Variants in COG8 observed in about 807,000 individuals in gnomAD.
COG8 encodes the protein component of oligomeric golgi complex 8.
COG8 carries 45 observed loss-of-function variants against 46.5 expected under a neutral mutation model. That is an observed-to-expected ratio of 0.97 (90% CI 0.76 to 1.24). The LOEUF is 1.24. Among genes scored for constraint, COG8 ranks in the 50% most tolerant of loss-of-function variants. The pLI, the probability that COG8 is intolerant of heterozygous loss-of-function variation, is 0.00. For missense variants in COG8, 793 were observed against 820.8 expected (o/e 0.97, Z 0.41); for synonymous variants, 407 against 347.8 (o/e 1.17, Z -1.90).
rs753076091 is a variant in COG8, at chr16:69,339,208, G to A, written c.345C>T (p.Leu115=). The change falls in exon 1 of 6, where the codon CTC becomes CTT. Residue 115 remains leucine, a synonymous_variant. Transcript: ENST00000306875. ...TCTGCTGGAAGCTGGGCAAACGGTC[G>A]AGCAGGCGGCCGAGCGACGCCTCCA... ...GDVEASLGRL[L]DRLPSFQQSC... 11 of 1,612,758 alleles carry A rather than the reference G, an allele frequency of 6.8e-6. No homozygotes were observed. Among genetic ancestry groups the A allele is most frequent in the South Asian group, 1.1e-5 (1 of 91,086 alleles).
At chr16:69,333,835 AAC>A (rs1315915295) in intron 3 of COG8, among the ~76,000 whole-genome samples, 2 of 152,244 alleles carry the variant, frequency 1.3e-5, no homozygotes, top group Admixed American at 1.3e-4. Context: ...TGTAAAATAA[AAC>A]ACTTTTAACA....
chr16:69,336,831 C>A, intron 1 of COG8, 119 bp from the exon 2 acceptor site: 1 of 886,974 alleles, frequency 1.1e-6, no homozygotes, highest in South Asian at 1.4e-5. Flanking sequence ...ATTCCTCACA[C>A]CCCACCTATA....
chr16:69,333,003 T>A, intron 3 of COG8, 121 bp from the exon 4 acceptor site: 1 of 833,416 alleles, frequency 1.2e-6, no homozygotes, highest in Non-Finnish European at 2.0e-6. Context: ...AATTTAACAG[T>A]ACATTATTTT....
chr16:69,337,390 G>A (rs898389366), intron 1 of COG8, among the ~76,000 whole-genome samples: 1 of 152,076 alleles, frequency 6.6e-6, no homozygotes, highest in Admixed American at 6.6e-5. Flanking sequence ...GAGCGAATGC[G>A]TCAAAGTAAA....
chr16:69,336,752 G>A, intron 1 of COG8, 40 bp from the exon 2 acceptor site: 1 of 1,568,448 alleles, frequency 6.4e-7, no homozygotes, highest in Non-Finnish European at 8.8e-7. Context: ...TCACTGCTCT[G>A]TACCCAAACC....
At chr16:69,332,498 G>A (rs773714141) in intron 4 of COG8, 53 of 628,246 alleles carry the variant, frequency 8.4e-5, no homozygotes, top group Non-Finnish European at 1.3e-4. Context: ...GTCCAGAAGA[G>A]GCAAATCTAT....
chr16:69,330,442 C>G, intron 5 of COG8: 2 of 1,474,050 alleles, frequency 1.4e-6, no homozygotes, highest in Non-Finnish European at 8.9e-7. Flanking sequence ...AGCGCCGCAG[C>G]GCCGGGCCCT....
Position 69,339,298 on chromosome 16 carries a change from A to T in COG8, c.255T>A (p.Ala85=). ...LLQQTRDLAF[A]NYKTFIRGAE... ...CGCCGCGGATGAAGGTCTTGTAGTT[A>T]GCGAAGGCCAAGTCGCGCGTCTGCT... The change falls in exon 1 of 6, where the codon GCT becomes GCA. Residue 85 remains alanine (A), a synonymous_variant. Coordinates refer to ENST00000306875, the MANE Select transcript of COG8 (RefSeq NM_032382.5). 4 of 1,611,992 alleles carry T rather than the reference A, an allele frequency of 2.5e-6. No individual in the cohort carries two copies. Among genetic ancestry groups the T allele is most frequent in the Non-Finnish European group, 2.5e-6 (3 of 1,179,596 alleles).
rs773714805 is a variant in COG8, at chr16:69,329,138, C to G, written c.*68G>C. The G allele has an allele frequency of 4.4e-6, 7 of 1,608,262 alleles. No homozygotes were observed. The East Asian group carries it at 1.3e-4, about 31-fold the overall frequency. On this transcript the variant is annotated 3_prime_UTR_variant, in exon 6 of 6. Coordinates refer to ENST00000306875, the MANE Select transcript of COG8 (RefSeq NM_032382.5). ...TGCTGGATGATGCGGGCTGCCCACC[C>G]GCTCGCCTGCCACACCACCTGTTCT...
rs1965643644 is a variant in COG8 at position 69,327,715 on chromosome 16, AACT to A, written c.*1488_*1490del. 2 of 152,184 alleles carry A rather than the reference AACT, an allele frequency of 1.3e-5. No individual in the cohort carries two copies. The highest frequency in any genetic ancestry group is 1.3e-4 in the Admixed American group (2 of 15,260). 9.4% of individuals were successfully genotyped at this position (152,184 alleles called of 1,614,324 possible). A position where few individuals can be genotyped will look rare whatever the true frequency, so the allele number is the denominator to read the frequency against. On this transcript the variant is annotated 3_prime_UTR_variant, in exon 6 of 6. Transcript: ENST00000306875. ...GCATAAAAATGAGGTGAAACAGTTT[AACT>A]AAAACTGGAGTTTGGCTGGGTAGTG...
chr16:69,329,285 AACAGCAGATGGCAAATGTAG>A, intron 5 of COG8, 106 bp from the exon 6 acceptor site: 2 of 1,221,194 alleles, frequency 1.6e-6, no homozygotes, highest in Non-Finnish European at 2.2e-6. Flanking sequence ...GACAAGAGGC[AACAGCAGATGGCAAATGTAG>A]ACAGCAGCTC....
At position 69,335,356 on chromosome 16, in the gene COG8, TAC is replaced by T. The variant is rs755440717; in HGVS notation, c.586-10_586-9del. 1.3e-6 allele frequency: 2 copies of T among 1,583,192 alleles called. No homozygotes were observed. The highest frequency in any genetic ancestry group is 2.3e-5 in the South Asian group (2 of 88,394). ...CACTTCGTTCACGATGCCCTGACAA[TAC>T]ACAGAGAGAGTCACACTGCGCTGGG... On this transcript the variant is annotated splice_polypyrimidine_tract_variant and intron_variant, in intron 2 of 5. Coordinates refer to ENST00000306875, the MANE Select transcript of COG8 (RefSeq NM_032382.5).
At chr16:69,336,377 C>T in intron 2 of COG8, 128 bp downstream of exon 2, 7 of 772,794 alleles carry the variant, frequency 9.1e-6, no homozygotes, top group Non-Finnish European at 1.5e-5. Flanking sequence ...GTTTTCTGTT[C>T]AGGCATACCT....
chr16:69,329,113 T>C lies in COG8; in HGVS notation c.*93A>G. On this transcript the variant is annotated 3_prime_UTR_variant, in exon 6 of 6. Transcript: ENST00000306875. ...GCAGCCCTGCAGGTGGTCCATCTCG[T>C]GCTGGATGATGCGGGCTGCCCACCC... 6.2e-7 allele frequency: 1 copy of C among 1,611,024 alleles called. No individual in the cohort carries two copies. Among genetic ancestry groups the C allele is most frequent in the Non-Finnish European group, 8.5e-7 (1 of 1,179,432 alleles).
chr16:69,335,414 C>T, intron 2 of COG8, 66 bp from the exon 3 acceptor site: 2 of 1,311,512 alleles, frequency 1.5e-6, no homozygotes, highest in Non-Finnish European at 2.1e-6. Flanking sequence ...ATTCCCCTAA[C>T]TCTGAAGACT....
At chr16:69,336,184 C>T (rs1012035113) in intron 2 of COG8, among the ~76,000 whole-genome samples, 3 of 152,164 alleles carry the variant, frequency 2.0e-5, no homozygotes, top group Non-Finnish European at 4.4e-5. Flanking sequence ...GACTCCCTTA[C>T]CCCATTCCCT....
chr16:69,330,395 G>A (rs747022716), intron 5 of COG8: 89 of 1,479,728 alleles, frequency 6.0e-5, no homozygotes, highest in Non-Finnish European at 7.4e-5. Context: ...CGGTTCGGGA[G>A]GACCCAGCAC....
chr16:69,332,344 G>T (rs961637493), intron 4 of COG8, among the ~76,000 whole-genome samples: 3 of 150,184 alleles, frequency 2.0e-5, no homozygotes. Flanking sequence ...GCGAGACTCC[G>T]CCTCAAAAAA....
intron 5 of COG8, among the ~76,000 whole-genome samples, chr16:69,329,641 C>T (rs1275697958): frequency 3.9e-5 from 6 of 152,266 alleles, no homozygotes; most frequent in African/African-American, 1.4e-4. Context: ...AATGGCCTAG[C>T]CCCCTGGGCT....
Sources: allele counts gnomAD v4.1 joint callset (sites outside exome capture counted in the v4.1 genomes callset), GRCh38; gene constraint gnomAD v4.1.1; transcripts MANE v1.5; gene names NCBI Gene and HGNC (gene_info 2026-07-23, HGNC 2026-07-21).